Variants in MYZAP observed in about 807,000 individuals in gnomAD.
MYZAP encodes myocardial zonula adherens protein.
Under a neutral mutation model 69.4 loss-of-function variants are expected in MYZAP, and 66 were observed. The observed-to-expected ratio is 0.95, with a 90% confidence interval of 0.78 to 1.17. The LOEUF (loss-of-function observed/expected upper bound fraction) is 1.17, where lower values mean the gene tolerates loss of function less well. MYZAP is among the 50% of genes most tolerant of loss of function. The pLI is 0.00. For missense variants in MYZAP, 611 were observed against 556.2 expected (o/e 1.10, Z -0.99); for synonymous variants, 256 against 205.9 (o/e 1.24, Z -2.09).
At chr15:57,616,377 C>T (rs565299227) in intron 2 of MYZAP, among the ~76,000 whole-genome samples, 4 of 152,250 alleles carry the variant, frequency 2.6e-5, no homozygotes, top group East Asian at 1.9e-4. Flanking sequence ...CAGTGGCTCA[C>T]GCCTGTGATC....
intron 10 of MYZAP, among the ~76,000 whole-genome samples, chr15:57,643,212 C>T (rs891070388): frequency 2.0e-5 from 3 of 152,184 alleles, no homozygotes. Flanking sequence ...GAAATTAATT[C>T]ATTCATCCAT....
chr15:57,618,821 T>A (rs1411306134), intron 3 of MYZAP, among the ~76,000 whole-genome samples: 3 of 152,218 alleles, frequency 2.0e-5, no homozygotes, highest in Non-Finnish European at 4.4e-5. Context: ...CCATCCTGTG[T>A]TCCCCTAGAT....
At chr15:57,637,073 C>G (rs1448809525) in intron 8 of MYZAP, among the ~76,000 whole-genome samples, 1 of 152,230 alleles carries the variant, frequency 6.6e-6, no homozygotes, top group Non-Finnish European at 1.5e-5. Flanking sequence ...CTCCTTCTCT[C>G]TGATTCTAAC....
chr15:57,646,210 G>T, intron 10 of MYZAP: 1 of 1,289,362 alleles, frequency 7.8e-7, no homozygotes, highest in Non-Finnish European at 1.0e-6. Flanking sequence ...AGCCTGCTCT[G>T]GGTTGGAAGC....
chr15:57,679,500 G>A (rs748374804), intron 12 of MYZAP, among the ~76,000 whole-genome samples: 13 of 152,044 alleles, frequency 8.6e-5, no homozygotes, highest in Non-Finnish European at 1.5e-4. Context: ...GCACATACTA[G>A]GCACTCAATA....
At chr15:57,592,985 A>C (rs1295441750) in intron 1 of MYZAP, among the ~76,000 whole-genome samples, 1 of 151,682 alleles carries the variant, frequency 6.6e-6, no homozygotes, top group Non-Finnish European at 1.5e-5. Flanking sequence ...CCAAAGCAAA[A>C]CCCCCACTGG....
At chr15:57,672,179 A>G (rs564495659) in intron 11 of MYZAP, among the ~76,000 whole-genome samples, 1 of 151,550 alleles carries the variant, frequency 6.6e-6, no homozygotes, top group African/African-American at 2.4e-5. Flanking sequence ...CCCAACTCTG[A>G]CTCTCCTCTT....
At chr15:57,612,990 G>C (rs2035205461) in intron 2 of MYZAP, among the ~76,000 whole-genome samples, 1 of 150,674 alleles carries the variant, frequency 6.6e-6, no homozygotes, top group African/African-American at 2.4e-5. Context: ...GGAGTGCAAT[G>C]GTGCGATCTC....
At chr15:57,624,959 T>TA (rs2140410219) in intron 4 of MYZAP, among the ~76,000 whole-genome samples, 1 of 152,178 alleles carries the variant, frequency 6.6e-6, no homozygotes, top group African/African-American at 2.4e-5. Context: ...TCTAGCCTCT[T>TA]ACCAATATCT....
intron 10 of MYZAP, among the ~76,000 whole-genome samples, chr15:57,643,172 G>A (rs544536032): frequency 1.4e-4 from 21 of 152,172 alleles, no homozygotes; most frequent in East Asian, 7.7e-4. Context: ...GAAAAATGCC[G>A]AGGGATTGGA....
At chr15:57,675,693 T>C (rs2140635036) in intron 12 of MYZAP, among the ~76,000 whole-genome samples, 1 of 152,286 alleles carries the variant, frequency 6.6e-6, no homozygotes, top group Non-Finnish European at 1.5e-5. Context: ...GACCTGTTCA[T>C]TGTTAAGCTG....
At chr15:57,627,020 G>A (rs376149569) in intron 5 of MYZAP, among the ~76,000 whole-genome samples, 4 of 152,172 alleles carry the variant, frequency 2.6e-5, no homozygotes, top group South Asian at 4.1e-4. Flanking sequence ...TGGTCGGGGG[G>A]GCTTGCCAAG....
chr15:57,678,873 T>A (rs2039279916), intron 12 of MYZAP, among the ~76,000 whole-genome samples: 1 of 151,622 alleles, frequency 6.6e-6, no homozygotes, highest in Non-Finnish European at 1.5e-5. Flanking sequence ...TTGTCTTGTG[T>A]GAAAAAAAAA....
chr15:57,617,024 T>G (rs2035510355), intron 2 of MYZAP, among the ~76,000 whole-genome samples: 1 of 151,682 alleles, frequency 6.6e-6, no homozygotes, highest in Non-Finnish European at 1.5e-5. Flanking sequence ...GATCTTGGAT[T>G]TTTTCTTACT....
intron 1 of MYZAP, among the ~76,000 whole-genome samples, chr15:57,603,531 G>A (rs1253827190): frequency 1.3e-5 from 2 of 151,982 alleles, no homozygotes; most frequent in Non-Finnish European, 2.9e-5. Flanking sequence ...TCCACTTTCT[G>A]TCTCTATGAT....
Position 57,604,409 on chromosome 15 carries a change from C to T in MYZAP, c.162+54C>T, listed in dbSNP as rs994714148. ...CAAGTTCCAGCCTCTATACCCTTAA[C>T]CCACTCTCCCATCTCCTAACCAGGC... On this transcript the variant is annotated intron_variant, in intron 2 of 12. Transcript: ENST00000267853. The T allele has an allele frequency of 6.3e-6, 10 of 1,594,358 alleles. No homozygotes were observed. The African/African-American group carries it at 1.3e-4, about 21-fold the overall frequency.
At chr15:57,616,852 A>C (rs1261436125) in intron 2 of MYZAP, among the ~76,000 whole-genome samples, 1 of 56,816 alleles carries the variant, frequency 1.8e-5, no homozygotes, top group Non-Finnish European at 3.1e-5. Context: ...TTTTTTGTGA[A>C]TACATGGCAA....
chr15:57,632,324 A>G, intron 6 of MYZAP, 110 bp from the exon 7 acceptor site: 3 of 1,538,576 alleles, frequency 1.9e-6, no homozygotes, highest in South Asian at 2.5e-5. Context: ...TGCAGAACCC[A>G]GTGGATGGGC....
chr15:57,631,098 G>A (rs2036477273), intron 6 of MYZAP, among the ~76,000 whole-genome samples: 1 of 152,230 alleles, frequency 6.6e-6, no homozygotes, highest in African/African-American at 2.4e-5. Flanking sequence ...TTCCGTGTAA[G>A]AGTTACTTTC....
Sources: allele counts gnomAD v4.1 joint callset (sites outside exome capture counted in the v4.1 genomes callset), GRCh38; gene constraint gnomAD v4.1.1; transcripts MANE v1.5; gene names NCBI Gene and HGNC (gene_info 2026-07-23, HGNC 2026-07-21).